SEPTIN6: variants seen among roughly 807,000 people sequenced by gnomAD.
SEPTIN6 encodes septin-6.
SEPTIN6 carries 8 observed loss-of-function variants against 33.6 expected under a neutral mutation model. The observed-to-expected ratio is 0.24, with a 90% CI of 0.14 to 0.43. SEPTIN6 has a LOEUF of 0.43. Among genes scored for constraint, SEPTIN6 ranks in the 20% least tolerant of loss-of-function variants. The probability of loss-of-function intolerance (pLI) is 1.00; values close to 1 mark genes in which losing one functional copy is unlikely to be tolerated. For missense variants in SEPTIN6, 250 were observed against 340.8 expected, an observed-to-expected ratio of 0.73 and a Z score of 2.10; for synonymous variants, 131 against 140.0, an observed-to-expected ratio of 0.94 and a Z score of 0.45.
rs1350555249 is a variant in SEPTIN6, at chrX:119,618,893, T to C, written c.*1200A>G. 1.6e-5 allele frequency: 19 copies of C among 1,160,836 alleles called. No individual in the cohort carries two copies. Among genetic ancestry groups the C allele is most frequent in the Non-Finnish European group, 2.1e-5 (18 of 869,544 alleles). On this transcript the variant is annotated 3_prime_UTR_variant, in exon 11 of 11. Coordinates refer to ENST00000394610, the MANE Select transcript of SEPTIN6 (RefSeq NM_145799.4). ...AAACACCAAAGGCCACTGTGCCTCA[T>C]AACCCTGACAAGGGAGGGCTCTCTA...
intron 2 of SEPTIN6, among the ~76,000 whole-genome samples, chrX:119,673,841 C>CAAAAAAAAAAAAA (rs774954935): frequency 1.1e-4 from 4 of 38,085 alleles, no homozygotes; most frequent in African/African-American, 1.1e-4. Flanking sequence ...GACTCTGTCT[C>CAAAAAAAAAAAAA]AAAAAAAAAA....
In SEPTIN6 at chrX:119,663,517, T is replaced by C; in HGVS notation, c.306A>G (p.Thr102=). The change falls in exon 3 of 11, where the codon ACA becomes ACG. Residue 102 remains threonine (T), a synonymous_variant. Coordinates refer to ENST00000394610, the MANE Select transcript of SEPTIN6 (RefSeq NM_145799.4). ...TGTTGATCTGGTCCCCAAAGCCAAC[T>C]GTGCTAACGATCGTGAGCTTTAGCC... The part of the protein sequence containing the change: ...NVRLKLTIVS[T]VGFGDQINKE... 1 of 1,010,091 alleles carries C rather than the reference T, an allele frequency of 9.9e-7. No homozygotes were observed. Among genetic ancestry groups the C allele is most frequent in the South Asian group, 1.9e-5 (1 of 52,702 alleles). 83.2% of individuals were successfully genotyped at this position (1,010,091 alleles called of 1,213,427 possible).
At chrX:119,620,561 T>C (rs760724701) in intron 10 of SEPTIN6, among the ~76,000 whole-genome samples, 115 of 110,164 alleles carry the variant, frequency 1.0e-3, no homozygotes, top group African/African-American at 3.3e-3. Context: ...CCTCATGATC[T>C]GCCCGCCTTG....
chrX:119,624,606 G>A (rs1489480554), intron 10 of SEPTIN6, among the ~76,000 whole-genome samples: 1 of 111,771 alleles, frequency 8.9e-6, no homozygotes, highest in Non-Finnish European at 1.9e-5. Context: ...CTGATGCAGG[G>A]GGATGGGAGA....
At chrX:119,616,300 G>A (rs1369186652), downstream of SEPTIN6, 1 of 313,308 alleles carries the variant, frequency 3.2e-6, no homozygotes, top group African/African-American at 2.6e-5. Flanking sequence ...GCTGTAGACA[G>A]TCAACCCATC....
chrX:119,675,904 A>G (rs1483121667), intron 1 of SEPTIN6, among the ~76,000 whole-genome samples: 2 of 110,605 alleles, frequency 1.8e-5, no homozygotes, highest in African/African-American at 6.6e-5. Context: ...ACAGCTCCAG[A>G]GAAAATTACA....
intron 1 of SEPTIN6, among the ~76,000 whole-genome samples, chrX:119,690,705 C>G (rs1302759980): frequency 9.1e-5 from 7 of 77,123 alleles, no homozygotes; most frequent in Non-Finnish European, 1.6e-4. Flanking sequence ...GCCTGGGCAA[C>G]AGAGCAAGAC....
At chrX:119,682,603 T>C (rs1307206711) in intron 1 of SEPTIN6, among the ~76,000 whole-genome samples, 1 of 111,914 alleles carries the variant, frequency 8.9e-6, no homozygotes, top group Non-Finnish European at 1.9e-5. Flanking sequence ...CGTTTTTTAA[T>C]TGAATATTCG....
chrX:119,652,960 T>C lies in SEPTIN6; in HGVS notation c.422A>G (p.His141Arg), dbSNP rs371036175. 41 of 1,206,795 alleles carry C rather than the reference T, an allele frequency of 3.4e-5. No homozygotes were observed. Among genetic ancestry groups the C allele is most frequent in the Non-Finnish European group, 4.4e-5 (39 of 893,347 alleles). Residue 141 changes from histidine to arginine, a missense_variant, in exon 4 of 11, where the codon CAC (histidine) becomes CGC (arginine). Physicochemically the swap from His to Arg is conservative, Grantham distance 29. Transcript: ENST00000394610. Reference sequence around the variant, plus strand: ...ATGGATTCGGGAGTCATGGTAGGTGTGTAGCACTCTTCGGATCTTTAGCTC... The same window carrying C: ...ATGGATTCGGGAGTCATGGTAGGTGCGTAGCACTCTTCGGATCTTTAGCTC... Reference protein sequence around the residue: ...QEELKIRRVLHTYHDSRIHVC... With the variant: ...QEELKIRRVLRTYHDSRIHVC...
At chrX:119,632,320 C>T (rs2053978729) in intron 8 of SEPTIN6, among the ~76,000 whole-genome samples, 1 of 110,150 alleles carries the variant, frequency 9.1e-6, no homozygotes, top group South Asian at 3.8e-4. Context: ...CTCAGCCTCC[C>T]GAGTAGCTGG....
intron 2 of SEPTIN6, among the ~76,000 whole-genome samples, chrX:119,668,986 C>T (rs1191574415): frequency 8.9e-6 from 1 of 111,840 alleles, no homozygotes; most frequent in Non-Finnish European, 1.9e-5. Context: ...ATTCTTATGC[C>T]TTTGCATCCT....
At chrX:119,651,853 A>T (rs2054357141) in intron 4 of SEPTIN6, among the ~76,000 whole-genome samples, 2 of 112,244 alleles carry the variant, frequency 1.8e-5, no homozygotes, top group South Asian at 7.3e-4. Context: ...GCAAAAAATG[A>T]AAAACTGCTC....
chrX:119,678,532 T>A (rs866766471), intron 1 of SEPTIN6, among the ~76,000 whole-genome samples: 43 of 104,841 alleles, frequency 4.1e-4, no homozygotes, highest in Middle Eastern at 9.9e-3. Flanking sequence ...AAAAAAAAAA[T>A]AAATAAAGAC....
At chrX:119,628,104 T>C (rs1284689270) in intron 9 of SEPTIN6, among the ~76,000 whole-genome samples, 5 of 108,071 alleles carry the variant, frequency 4.6e-5, no homozygotes, top group African/African-American at 1.7e-4. Flanking sequence ...CTGCAGTTCT[T>C]TTTGTTCCTC....
At position 119,637,593 on chromosome X, in the gene SEPTIN6, T is replaced by TCATC. The variant is rs199984540; in HGVS notation, c.788-402_788-399dup. On this transcript the variant is annotated intron_variant, in intron 6 of 10. Transcript: ENST00000394610. The stretch of plus-strand genomic sequence containing the variant: ...TCCATCCATCCATCCATCCATCCAC[T>TCATC]CATCCATCCATCCATCCATCCATCT... Among the ~76,000 whole-genome samples the TCATC allele has an allele frequency of 7.6e-3, 570 of 74,584 alleles. 3 individuals are homozygous for TCATC. Among genetic ancestry groups the TCATC allele is most frequent in the African/African-American group, 0.028 (529 of 18,828 alleles). 64.8% of individuals were successfully genotyped at this position (74,584 alleles called of 115,157 possible). A position where few individuals can be genotyped will look rare whatever the true frequency, so the allele number is the denominator to read the frequency against.
intron 6 of SEPTIN6, among the ~76,000 whole-genome samples, chrX:119,638,298 G>C (rs2054101004): frequency 9.0e-6 from 1 of 111,607 alleles, no homozygotes; most frequent in Admixed American, 9.6e-5. Context: ...CTCCTCAAAA[G>C]AGTGCAAGCA....
At chrX:119,622,311 A>G (rs2053782115) in intron 10 of SEPTIN6, among the ~76,000 whole-genome samples, 2 of 111,773 alleles carry the variant, frequency 1.8e-5, no homozygotes, top group Admixed American at 9.5e-5. Flanking sequence ...ACAAATGCAG[A>G]GAGCTATAAG....
chrX:119,642,815 G>A (rs1435784775), intron 5 of SEPTIN6, among the ~76,000 whole-genome samples: 4 of 111,030 alleles, frequency 3.6e-5, no homozygotes, highest in Admixed American at 9.6e-5. Flanking sequence ...TTGCTTGGCC[G>A]CCAGCTGAAG....
chrX:119,632,468 T>C (rs1237273295), intron 8 of SEPTIN6, among the ~76,000 whole-genome samples: 1 of 110,009 alleles, frequency 9.1e-6, no homozygotes, highest in Non-Finnish European at 1.9e-5. Flanking sequence ...AGTGCTGGGA[T>C]TACAGGCGTG....
Sources: allele counts gnomAD v4.1 joint callset (sites outside exome capture counted in the v4.1 genomes callset), GRCh38; gene constraint gnomAD v4.1.1; transcripts MANE v1.5; gene names NCBI Gene and HGNC (gene_info 2026-07-23, HGNC 2026-07-21).